The following RPTOR variants were observed in gnomAD, a reference collection of about 807,000 sequenced individuals.
The protein encoded by RPTOR is regulatory-associated protein of mTOR.
A neutral mutation model predicts 169.9 loss-of-function variants in RPTOR; 21 were observed. The ratio of observed to expected loss-of-function variants is 0.12; its 90% confidence interval spans 0.09 to 0.18. The LOEUF is 0.18. Among genes scored for constraint, RPTOR ranks in the 10% least tolerant of loss-of-function variants. RPTOR has a pLI of 1.00. For missense variants in RPTOR, 1,133 were observed against 1,855.9 expected (o/e 0.61, Z 7.16); for synonymous variants, 732 against 753.2 (o/e 0.97, Z 0.46).
At chr17:80,841,440 C>T (rs569801450) in intron 10 of RPTOR, among the ~76,000 whole-genome samples, 5 of 134,832 alleles carry the variant, frequency 3.7e-5, no homozygotes, top group African/African-American at 2.9e-5. Flanking sequence ...TCACACTCAC[C>T]ACACGGCAGC....
intron 1 of RPTOR, among the ~76,000 whole-genome samples, chr17:80,576,084 C>T (rs914344365): frequency 6.6e-6 from 1 of 152,166 alleles, no homozygotes; most frequent in East Asian, 1.9e-4. Flanking sequence ...TAAGTCAACA[C>T]TTCTGTAGCC....
chr17:80,858,955 C>T (rs757422062), intron 13 of RPTOR, among the ~76,000 whole-genome samples: 28 of 152,276 alleles, frequency 1.8e-4, no homozygotes, highest in South Asian at 6.2e-4. Flanking sequence ...TGCCTGGCCT[C>T]GGTGTCAAGT....
intron 28 of RPTOR, among the ~76,000 whole-genome samples, chr17:80,951,289 C>T (rs1356203550): frequency 2.6e-5 from 4 of 152,350 alleles, no homozygotes; most frequent in Middle Eastern, 3.4e-3. Flanking sequence ...TGCTGCCCCA[C>T]GGGCTCTCAG....
At chr17:80,887,687 C>T (rs2068265608) in intron 17 of RPTOR, among the ~76,000 whole-genome samples, 1 of 152,150 alleles carries the variant, frequency 6.6e-6, no homozygotes, top group South Asian at 2.1e-4. Flanking sequence ...GTTACTGCTG[C>T]TTTTCCATAA....
At position 80,730,422 on chromosome 17, in the gene RPTOR, A is replaced by T; in HGVS notation, c.508-138A>T. 1.1e-6 allele frequency: 1 copy of T among 893,602 alleles called. No individual in the cohort carries two copies. The highest frequency in any genetic ancestry group is 1.7e-6 in the Non-Finnish European group (1 of 592,564). The allele number at this position is 893,602 out of a possible 1,614,324, so 55.4% of individuals were successfully genotyped here. A position where few individuals can be genotyped will look rare whatever the true frequency, so the allele number is the denominator to read the frequency against. On this transcript the variant is annotated intron_variant, in intron 4 of 33. Coordinates refer to ENST00000306801, the MANE Select transcript of RPTOR (RefSeq NM_020761.3). This position sits in a 1 kb window ranked among gnomAD's most constrained non-coding sequence, Gnocchi z 4.2. ...GCCTGGCCAGTTTGCTGTTTTTTAT[A>T]GTTTTGTATAAAGGCTAACTCAGCG...
At position 80,966,241 on chromosome 17, in the gene RPTOR, G is replaced by A. The variant is rs1389763194; in HGVS notation, c.*1911G>A. The A allele has an allele frequency of 8.6e-6, 2 of 232,740 alleles. No individual in the cohort carries two copies. The highest frequency in any genetic ancestry group is 4.4e-5 in the African/African-American group (2 of 45,312). The allele number at this position is 232,740 out of a possible 1,614,324, so 14.4% of individuals were successfully genotyped here. On this transcript the variant is annotated 3_prime_UTR_variant, in exon 34 of 34. Coordinates refer to ENST00000306801, the MANE Select transcript of RPTOR (RefSeq NM_020761.3). ...TCACGACGTTAACCGGCTCGAGAGAGCGCCGGCCTAGAGGCTCATTATCTA... is the reference window on the plus strand; with the variant it reads ...TCACGACGTTAACCGGCTCGAGAGAACGCCGGCCTAGAGGCTCATTATCTA...
At chr17:80,731,204 C>T (rs1310421021) in intron 5 of RPTOR, among the ~76,000 whole-genome samples, 1 of 152,164 alleles carries the variant, frequency 6.6e-6, no homozygotes, top group Non-Finnish European at 1.5e-5. Context: ...CTTATTTTTA[C>T]ATCTCATTTT....
chr17:80,637,199 C>T (rs1010771990), intron 2 of RPTOR, among the ~76,000 whole-genome samples: 9 of 152,198 alleles, frequency 5.9e-5, no homozygotes, highest in African/African-American at 1.9e-4. Context: ...AGACAGCACT[C>T]CTTCCAGAGA....
intron 3 of RPTOR, among the ~76,000 whole-genome samples, chr17:80,656,897 G>A (rs767784109): frequency 1.3e-5 from 2 of 152,204 alleles, no homozygotes; most frequent in African/African-American, 2.4e-5. Context: ...GGGAGCCGCG[G>A]GGACACTGCC....
At chr17:80,551,717 G>T (rs147134289) in intron 1 of RPTOR, among the ~76,000 whole-genome samples, 1 of 152,070 alleles carries the variant, frequency 6.6e-6, no homozygotes, top group Non-Finnish European at 1.5e-5. Context: ...CAAGAGGCAT[G>T]CCTTCCTCTT....
intron 18 of RPTOR, among the ~76,000 whole-genome samples, chr17:80,892,387 C>T (rs9909215): frequency 0.026 from 3,922 of 152,292 alleles, 108 homozygotes; most frequent in South Asian, 0.072. Flanking sequence ...TGAGTGTGGA[C>T]GGTCATTGCT....
intron 21 of RPTOR, among the ~76,000 whole-genome samples, chr17:80,910,655 T>G (rs1017163866): frequency 1.3e-5 from 2 of 151,992 alleles, no homozygotes; most frequent in African/African-American, 4.8e-5. Flanking sequence ...AGTCTCCCCC[T>G]CTCATTTGCT....
chr17:80,648,126 A>G (rs1257081896), intron 3 of RPTOR, among the ~76,000 whole-genome samples: 2 of 152,150 alleles, frequency 1.3e-5, no homozygotes, highest in Non-Finnish European at 2.9e-5. Context: ...AGAAATTGTT[A>G]TTGCATTTTA....
chr17:80,893,637 A>T lies in RPTOR; in HGVS notation c.2243-70A>T, dbSNP rs1364940407. On this transcript the variant is annotated intron_variant, in intron 19 of 33. Transcript: ENST00000306801. Reference sequence around the variant, plus strand: ...TTAGAAGAAAATATGTATCTCAGTCATGCCATTAACTGTAAGACCAAAAGG... The same window carrying T: ...TTAGAAGAAAATATGTATCTCAGTCTTGCCATTAACTGTAAGACCAAAAGG... The T allele has an allele frequency of 5.9e-6, 9 of 1,525,700 alleles. No individual in the cohort carries two copies. In the East Asian group the frequency reaches 1.9e-4, roughly 32 times the overall value. 94.5% of individuals were successfully genotyped at this position (1,525,700 alleles called of 1,614,324 possible).
chr17:80,689,697 A>C (rs2873060), intron 3 of RPTOR, among the ~76,000 whole-genome samples: 26,763 of 152,246 alleles, frequency 0.18, 3,758 homozygotes, highest in African/African-American at 0.39. Flanking sequence ...ACTGGAGAAG[A>C]TCTTTCTGAG....
intron 1 of RPTOR, among the ~76,000 whole-genome samples, chr17:80,565,651 G>C (rs929802164): frequency 6.6e-6 from 1 of 152,226 alleles, no homozygotes; most frequent in African/African-American, 2.4e-5. Context: ...CTGCTGTGGA[G>C]GGGTTAGAGC....
chr17:80,840,966 ACGGCAGC>A (rs2067638802), intron 10 of RPTOR, among the ~76,000 whole-genome samples: 1 of 46,406 alleles, frequency 2.2e-5, no homozygotes, highest in African/African-American at 1.8e-4. Context: ...CACTCACCGC[ACGGCAGC>A]TCACATTCAC....
At chr17:80,858,377 G>A (rs149404379) in intron 13 of RPTOR, among the ~76,000 whole-genome samples, 21 of 152,382 alleles carry the variant, frequency 1.4e-4, no homozygotes, top group Admixed American at 3.9e-4. Context: ...GCCCCGAGGT[G>A]TTAGGGGCCA....
At chr17:80,930,464 T>C in intron 24 of RPTOR, among the ~76,000 whole-genome samples, 1 of 151,746 alleles carries the variant, frequency 6.6e-6, no homozygotes, top group African/African-American at 2.4e-5. Flanking sequence ...CATCCCCAGC[T>C]CATCCCCAGC....
Sources: allele counts gnomAD v4.1 joint callset (sites outside exome capture counted in the v4.1 genomes callset), GRCh38; gene constraint gnomAD v4.1.1; non-coding constraint Gnocchi (gnomAD v3.1); transcripts MANE v1.5; gene names NCBI Gene and HGNC (gene_info 2026-07-23, HGNC 2026-07-21).